CADPS2: variants seen among roughly 807,000 people sequenced by gnomAD.
The protein encoded by CADPS2 is calcium-dependent secretion activator 2.
Under a neutral mutation model 172.5 loss-of-function variants are expected in CADPS2, and 93 were observed. That is an observed-to-expected ratio of 0.54 (90% CI 0.46 to 0.64). The LOEUF (loss-of-function observed/expected upper bound fraction) is 0.64. Among genes scored for constraint, CADPS2 ranks in the 30% least tolerant of loss-of-function variants. The pLI is 0.00. For synonymous variants in CADPS2, 546 were observed against 555.2 expected, an observed-to-expected ratio of 0.98 and a Z score of 0.23; for missense variants, 1,420 against 1,565.9, an observed-to-expected ratio of 0.91 and a Z score of 1.57.
Position 122,819,384 on chromosome 7 carries a change from G to A in CADPS2, c.339+66615C>T, listed in dbSNP as rs563241525. On this transcript the variant is annotated intron_variant, in intron 1 of 29. Transcript: ENST00000449022. ...CCTTCCCAGATCTTCTCGGCTTAGC[G>A]GCTGAAGACTGACACTGCCCGATCG... Among the ~76,000 whole-genome samples the A allele has an allele frequency of 3.1e-3, 465 of 152,252 alleles. 2 individuals carry two copies. The highest frequency in any genetic ancestry group is 0.011 in the African/African-American group (439 of 41,544).
chr7:122,512,863 T>C (rs917275398), intron 9 of CADPS2, among the ~76,000 whole-genome samples: 1 of 152,168 alleles, frequency 6.6e-6, no homozygotes, highest in Non-Finnish European at 1.5e-5. Flanking sequence ...TTTATAAGAA[T>C]ATTCAGAAGT....
At chr7:122,847,836 TA>T (rs2141033290) in intron 1 of CADPS2, among the ~76,000 whole-genome samples, 1 of 152,320 alleles carries the variant, frequency 6.6e-6, no homozygotes, top group Non-Finnish European at 1.5e-5. Context: ...AAAAATACAA[TA>T]GGAGTAGCTG....
At chr7:122,497,096 C>T (rs2058794498) in intron 9 of CADPS2, among the ~76,000 whole-genome samples, 1 of 151,892 alleles carries the variant, frequency 6.6e-6, no homozygotes, top group Non-Finnish European at 1.5e-5. Flanking sequence ...TCTGATACTG[C>T]TTTTTGCCTT....
chr7:122,628,432 G>T (rs574682196), intron 4 of CADPS2, among the ~76,000 whole-genome samples: 1 of 151,904 alleles, frequency 6.6e-6, no homozygotes, highest in Non-Finnish European at 1.5e-5. Context: ...TTGTATACAT[G>T]TTACGAGAGA....
chr7:122,593,790 G>A (rs2071295507), intron 6 of CADPS2, among the ~76,000 whole-genome samples: 1 of 151,936 alleles, frequency 6.6e-6, no homozygotes, highest in African/African-American at 2.4e-5. Context: ...GAGAAAGAGA[G>A]AGGAAGAAAA....
rs912983312 is a variant in CADPS2, at chr7:122,643,504, G to A, written c.787-14176C>T. Among the ~76,000 whole-genome samples the A allele has an allele frequency of 2.0e-5, 3 of 152,108 alleles. 1 individual carries two copies. The highest frequency in any genetic ancestry group is 1.5e-5 in the Non-Finnish European group (1 of 68,026). ...ACATCAGAACACAGCTGGGCCTCTC[G>A]CTTTGAGTTTCAGCTTTGCACTTCC... On this transcript the variant is annotated intron_variant, in intron 3 of 29. Transcript: ENST00000449022.
intron 1 of CADPS2, among the ~76,000 whole-genome samples, chr7:122,806,878 A>T (rs563387891): frequency 5.3e-5 from 8 of 152,200 alleles, no homozygotes; most frequent in Admixed American, 6.5e-5. Context: ...AGACTGTGTT[A>T]ATCTATGGGA....
rs969404155 is a variant in CADPS2 at position 122,692,768 on chromosome 7, G to T, written c.454-29199C>A. Among the ~76,000 whole-genome samples, 6 of 152,266 alleles carry T rather than the reference G, an allele frequency of 3.9e-5. No individual in the cohort carries two copies. In the South Asian group the frequency reaches 1.2e-3, roughly 31 times the overall value. On this transcript the variant is annotated intron_variant, in intron 2 of 29. Transcript: ENST00000449022. Reference sequence around the variant, plus strand: ...ACAGATAGCTGAAAGAACACTCGGGGCCGTAAGCAGGTGAAATGTAGTTTT... The same window carrying T: ...ACAGATAGCTGAAAGAACACTCGGGTCCGTAAGCAGGTGAAATGTAGTTTT...
intron 7 of CADPS2, among the ~76,000 whole-genome samples, chr7:122,565,764 T>A (rs1274152446): frequency 6.6e-6 from 1 of 152,216 alleles, no homozygotes; most frequent in East Asian, 1.9e-4. Context: ...AATATCCATC[T>A]AACATAGTTT....
chr7:122,480,605 C>T (rs904424903), intron 12 of CADPS2, among the ~76,000 whole-genome samples: 4 of 151,942 alleles, frequency 2.6e-5, no homozygotes, highest in Non-Finnish European at 2.9e-5. Flanking sequence ...TTGTTTTGCA[C>T]GTTATTACAA....
intron 8 of CADPS2, among the ~76,000 whole-genome samples, chr7:122,522,027 C>G (rs1277135670): frequency 1.3e-5 from 2 of 152,138 alleles, no homozygotes; most frequent in Admixed American, 1.3e-4. Flanking sequence ...CCATAAAACC[C>G]CATTCCACCC....
At chr7:122,721,511 G>A (rs191920856) in intron 2 of CADPS2, among the ~76,000 whole-genome samples, 1 of 152,148 alleles carries the variant, frequency 6.6e-6, no homozygotes, top group African/African-American at 2.4e-5. Flanking sequence ...TCTCTGAATA[G>A]ACCAATAACA....
At chr7:122,329,196 C>G (rs1264803217) in intron 28 of CADPS2, among the ~76,000 whole-genome samples, 1 of 152,248 alleles carries the variant, frequency 6.6e-6, no homozygotes, top group Admixed American at 6.5e-5. Flanking sequence ...CCCTGAACCC[C>G]CTCAGTGGAC....
At chr7:122,574,445 T>TAAA (rs869077766) in intron 7 of CADPS2, among the ~76,000 whole-genome samples, 468 of 37,966 alleles carry the variant, frequency 0.012, 42 homozygotes, top group African/African-American at 0.046. Flanking sequence ...GACCCTGTCT[T>TAAA]AAAAAAAAAA....
intron 16 of CADPS2, among the ~76,000 whole-genome samples, chr7:122,441,299 T>C (rs372297376): frequency 3.9e-5 from 6 of 152,126 alleles, no homozygotes; most frequent in Non-Finnish European, 8.8e-5. Context: ...AATATGAGGA[T>C]AGGATTTCAG....
chr7:122,738,259 A>G (rs1490299031), intron 1 of CADPS2, among the ~76,000 whole-genome samples: 2 of 152,170 alleles, frequency 1.3e-5, no homozygotes, highest in African/African-American at 4.8e-5. Context: ...TAGTAAAAAT[A>G]TTAACAATTT....
intron 2 of CADPS2, among the ~76,000 whole-genome samples, chr7:122,711,754 G>C (rs1405617891): frequency 1.3e-5 from 2 of 152,034 alleles, no homozygotes; most frequent in Non-Finnish European, 2.9e-5. Context: ...CAGGGTTCAA[G>C]CGATTCTCCT....
chr7:122,788,792 G>C (rs1794633570), intron 1 of CADPS2, among the ~76,000 whole-genome samples: 1 of 152,136 alleles, frequency 6.6e-6, no homozygotes, highest in Non-Finnish European at 1.5e-5. Flanking sequence ...CTGTTCTCCT[G>C]GAGGTCATAG....
chr7:122,812,834 C>T (rs966114878), intron 1 of CADPS2, among the ~76,000 whole-genome samples: 2 of 152,110 alleles, frequency 1.3e-5, no homozygotes, highest in African/African-American at 4.8e-5. Flanking sequence ...CTATTACTAC[C>T]ATTACAGCCA....
Sources: allele counts gnomAD v4.1 joint callset (sites outside exome capture counted in the v4.1 genomes callset), GRCh38; gene constraint gnomAD v4.1.1; transcripts MANE v1.5; gene names NCBI Gene and HGNC (gene_info 2026-07-23, HGNC 2026-07-21).